Variants in CAPN8 observed in about 807,000 individuals in gnomAD.
CAPN8 encodes calpain-8.
Under a neutral mutation model 80.9 loss-of-function variants are expected in CAPN8, and 87 were observed. The ratio of observed to expected loss-of-function variants is 1.07; its 90% CI spans 0.90 to 1.28. The LOEUF is 1.28. Ranked by LOEUF, CAPN8 falls within the 50% of genes most tolerant of loss-of-function variation. The probability of loss-of-function intolerance (pLI) is 0.00; values close to 1 mark genes in which losing one functional copy is unlikely to be tolerated. For missense variants in CAPN8, 757 were observed against 702.0 expected, an observed-to-expected ratio of 1.08 and a Z score of -0.89; for synonymous variants, 299 against 273.8, an observed-to-expected ratio of 1.09 and a Z score of -0.91.
At chr1:223,544,751 G>A (rs988444412) in intron 18 of CAPN8, 21 bp downstream of exon 18, 3 of 1,551,462 alleles carry the variant, frequency 1.9e-6, no homozygotes, top group African/African-American at 1.4e-5. Context: ...CCAAGACCCT[G>A]TCTACAGGAT....
chr1:223,630,095 C>T (rs1406447914), intron 2 of CAPN8, among the ~76,000 whole-genome samples: 1 of 152,122 alleles, frequency 6.6e-6, no homozygotes, highest in Non-Finnish European at 1.5e-5. Context: ...AGCAGTAAGC[C>T]AGGAACCCAC....
intron 6 of CAPN8, among the ~76,000 whole-genome samples, chr1:223,624,768 C>A (rs1346463985): frequency 6.6e-6 from 1 of 151,104 alleles, no homozygotes; most frequent in Non-Finnish European, 1.5e-5. Flanking sequence ...CACCTTAAAT[C>A]CCTTTTGAAA....
At chr1:223,643,270 C>T (rs1212724045) in intron 2 of CAPN8, among the ~76,000 whole-genome samples, 2 of 152,188 alleles carry the variant, frequency 1.3e-5, no homozygotes, top group African/African-American at 2.4e-5. Flanking sequence ...GTGTCCCCTC[C>T]GAAAATGATC....
At chr1:223,623,513 C>T (rs1159685545) in intron 6 of CAPN8, among the ~76,000 whole-genome samples, 1 of 152,186 alleles carries the variant, frequency 6.6e-6, no homozygotes, top group African/African-American at 2.4e-5. Context: ...CTGCTTTCCC[C>T]TATTTATTGA....
At chr1:223,623,980 T>A (rs750742372) in intron 6 of CAPN8, among the ~76,000 whole-genome samples, 5 of 138,934 alleles carry the variant, frequency 3.6e-5, no homozygotes, top group Middle Eastern at 4.3e-3. Context: ...AGCCTGGTGA[T>A]AGAGCAAGAC....
intron 12 of CAPN8, 117 bp from the exon 13 acceptor site, chr1:223,558,284 T>A (rs1572227096): frequency 5.1e-6 from 2 of 395,238 alleles, no homozygotes; most frequent in East Asian, 7.2e-5. Flanking sequence ...ACCCCAGACC[T>A]CATTTCCTAC....
intron 2 of CAPN8, among the ~76,000 whole-genome samples, chr1:223,629,558 G>T (rs538464866): frequency 2.0e-5 from 3 of 152,162 alleles, no homozygotes; most frequent in South Asian, 4.2e-4. Context: ...GGGAGGCATC[G>T]TTGTCCCTTG....
Position 223,664,941 on chromosome 1 carries a change from A to T in CAPN8, c.237+469T>A, listed in dbSNP as rs546566192. Among the ~76,000 whole-genome samples, 7 of 152,108 alleles carry T rather than the reference A, an allele frequency of 4.6e-5. No individual in the cohort carries two copies. The South Asian group carries it at 1.5e-3, about 32-fold the overall frequency. On this transcript the variant is annotated intron_variant, in intron 1 of 20. Coordinates refer to ENST00000366872, the MANE Select transcript of CAPN8 (RefSeq NM_001143962.2). ...GGTGACAGAGTGAGACTCTGCCTCA[A>T]AAAAAATAAGAGTTCAAAAGGTGAT...
At chr1:223,634,074 A>G (rs912886992) in intron 2 of CAPN8, among the ~76,000 whole-genome samples, 4 of 152,232 alleles carry the variant, frequency 2.6e-5, no homozygotes, top group African/African-American at 9.7e-5. Context: ...CCAGAAGCAG[A>G]GTAAAGATGG....
intron 2 of CAPN8, among the ~76,000 whole-genome samples, chr1:223,649,917 C>G (rs907999568): frequency 6.6e-6 from 1 of 152,098 alleles, no homozygotes; most frequent in African/African-American, 2.4e-5. Flanking sequence ...CACGGTAGCC[C>G]CCACTTCCTA....
intron 10 of CAPN8, among the ~76,000 whole-genome samples, chr1:223,615,126 A>G (rs1367350717): frequency 6.6e-6 from 1 of 152,222 alleles, no homozygotes; most frequent in Non-Finnish European, 1.5e-5. Context: ...GTTTCTTATT[A>G]CAATATTTTT....
chr1:223,652,774 G>A (rs2102734466), intron 2 of CAPN8, among the ~76,000 whole-genome samples: 1 of 152,238 alleles, frequency 6.6e-6, no homozygotes, highest in East Asian at 1.9e-4. Flanking sequence ...CACCACTGCA[G>A]CGGCTGGGCT....
At chr1:223,659,561 C>G (rs1658589221) in intron 1 of CAPN8, among the ~76,000 whole-genome samples, 1 of 152,218 alleles carries the variant, frequency 6.6e-6, no homozygotes, top group African/African-American at 2.4e-5. Context: ...TCCCGATTCT[C>G]TTCCACCAAC....
intron 10 of CAPN8, among the ~76,000 whole-genome samples, chr1:223,615,533 T>A (rs987638760): frequency 6.6e-6 from 1 of 152,162 alleles, no homozygotes; most frequent in African/African-American, 2.4e-5. Context: ...GTGCTCCAAG[T>A]GTCTCAAGGC....
intron 20 of CAPN8, among the ~76,000 whole-genome samples, chr1:223,542,610 C>T (rs1260021401): frequency 2.0e-5 from 3 of 152,172 alleles, no homozygotes; most frequent in African/African-American, 7.2e-5. Context: ...TCCCCTCTGG[C>T]CAGTAAAGGC....
At chr1:223,633,782 C>T (rs185509085) in intron 2 of CAPN8, among the ~76,000 whole-genome samples, 7 of 152,258 alleles carry the variant, frequency 4.6e-5, no homozygotes, top group Non-Finnish European at 8.8e-5. Flanking sequence ...GCTTAAAGGT[C>T]GGGATGTCTA....
intron 2 of CAPN8, among the ~76,000 whole-genome samples, chr1:223,645,641 C>T (rs571163766): frequency 6.6e-6 from 1 of 152,274 alleles, no homozygotes; most frequent in Non-Finnish European, 1.5e-5. Context: ...GAAGGGGCTC[C>T]AGATGCAACT....
At chr1:223,543,052 T>C (rs1284255885) in intron 20 of CAPN8, 56 bp downstream of exon 20, 6 of 1,545,348 alleles carry the variant, frequency 3.9e-6, no homozygotes, top group Non-Finnish European at 5.3e-6. Context: ...AGCTACATGG[T>C]CCAAGAATTT....
At chr1:223,542,784 A>G (rs1447558287) in intron 20 of CAPN8, among the ~76,000 whole-genome samples, 1 of 152,170 alleles carries the variant, frequency 6.6e-6, no homozygotes, top group African/African-American at 2.4e-5. Context: ...AGGTCCATAT[A>G]AGACAGCTGG....
Sources: gnomAD v4.1 joint callset for allele counts (sites outside exome capture counted in the v4.1 genomes callset) on GRCh38, gnomAD v4.1.1 for gene constraint, MANE v1.5 for transcripts, NCBI Gene and HGNC (gene_info 2026-07-23, HGNC 2026-07-21) for gene names.